ZFAND3: variants seen among roughly 807,000 people sequenced by gnomAD.
The protein encoded by ZFAND3 is zinc finger AN1-type containing 3.
A neutral mutation model predicts 29.6 loss-of-function variants in ZFAND3; 10 were observed. The observed-to-expected ratio is 0.34, with a 90% CI of 0.21 to 0.57. The LOEUF (loss-of-function observed/expected upper bound fraction) is 0.57, where lower values mean the gene tolerates loss of function less well. Among genes scored for constraint, ZFAND3 ranks in the 20% least tolerant of loss-of-function variants. The pLI is 0.86. For synonymous variants in ZFAND3, 128 were observed against 112.6 expected (o/e 1.14, Z -0.87); for missense variants, 230 against 304.5 (o/e 0.76, Z 1.82).
At chr6:38,135,746 A>G (rs1487909181) in intron 5 of ZFAND3, among the ~76,000 whole-genome samples, 1 of 151,386 alleles carries the variant, frequency 6.6e-6, no homozygotes, top group African/African-American at 2.4e-5. Flanking sequence ...CTCCATCTCA[A>G]TTAAAAAAAA....
At chr6:37,964,064 C>CT (rs1199910919) in intron 2 of ZFAND3, among the ~76,000 whole-genome samples, 1 of 152,020 alleles carries the variant, frequency 6.6e-6, no homozygotes, top group East Asian at 1.9e-4. Context: ...CTGTTTCATT[C>CT]TTTTTTCCCC....
intron 2 of ZFAND3, among the ~76,000 whole-genome samples, chr6:38,033,531 G>A (rs1160642331): frequency 6.6e-6 from 1 of 152,128 alleles, no homozygotes; most frequent in East Asian, 1.9e-4. Flanking sequence ...CAGGTAATTA[G>A]AACAGCATGT....
chr6:37,960,778 A>C (rs1198860809), intron 2 of ZFAND3, among the ~76,000 whole-genome samples: 1 of 151,838 alleles, frequency 6.6e-6, no homozygotes, highest in East Asian at 1.9e-4. Flanking sequence ...TCCTTTCCCT[A>C]CCCCTTGGGA....
chr6:37,997,685 A>G (rs1183661992), intron 2 of ZFAND3, among the ~76,000 whole-genome samples: 1 of 152,206 alleles, frequency 6.6e-6, no homozygotes, highest in Non-Finnish European at 1.5e-5. Context: ...TGCTTTCCTC[A>G]TAGAGGGCCA....
chr6:38,140,969 C>A (rs1442034299), intron 5 of ZFAND3, among the ~76,000 whole-genome samples: 2 of 151,998 alleles, frequency 1.3e-5, no homozygotes, highest in African/African-American at 4.8e-5. Context: ...AAGCCAGCTT[C>A]TCTGCCCGCC....
intron 2 of ZFAND3, among the ~76,000 whole-genome samples, chr6:37,945,383 A>G (rs1450071808): frequency 2.6e-5 from 4 of 152,136 alleles, no homozygotes; most frequent in Non-Finnish European, 5.9e-5. Flanking sequence ...GAAATTTTGC[A>G]TTGGAAGATC....
At chr6:38,020,369 A>G (rs1486582063) in intron 2 of ZFAND3, among the ~76,000 whole-genome samples, 1 of 152,222 alleles carries the variant, frequency 6.6e-6, no homozygotes, top group East Asian at 1.9e-4. Flanking sequence ...TTTTTTAAGT[A>G]GAATCACTTG....
At chr6:38,000,050 A>G (rs951995686) in intron 2 of ZFAND3, among the ~76,000 whole-genome samples, 3 of 152,182 alleles carry the variant, frequency 2.0e-5, no homozygotes, top group African/African-American at 7.2e-5. Flanking sequence ...CTTTTTTAAA[A>G]AAGGAAAATA....
At chr6:38,022,384 G>A (rs187823294) in intron 2 of ZFAND3, among the ~76,000 whole-genome samples, 220 of 152,332 alleles carry the variant, frequency 1.4e-3, no homozygotes, top group Non-Finnish European at 2.4e-3. Context: ...TCATAGCAGT[G>A]CCATGTTTTT....
At chr6:37,866,025 C>T (rs902308320) in intron 1 of ZFAND3, among the ~76,000 whole-genome samples, 1 of 152,114 alleles carries the variant, frequency 6.6e-6, no homozygotes, top group Non-Finnish European at 1.5e-5. Context: ...GGAGGTCTCA[C>T]TATATTGTCC....
rs183103225 is a variant in ZFAND3, at chr6:37,961,270, T to C, written c.112+31271T>C. Reference sequence around the variant, plus strand: ...GACACGAGGTGAGGCTCCTCTGCCTTTGGAAAGGGGAGGGAAGAGTAGGAA... The same window carrying C: ...GACACGAGGTGAGGCTCCTCTGCCTCTGGAAAGGGGAGGGAAGAGTAGGAA... On this transcript the variant is annotated intron_variant, in intron 2 of 5. Coordinates refer to ENST00000287218, the MANE Select transcript of ZFAND3 (RefSeq NM_021943.3). Among the ~76,000 whole-genome samples, 3 of 152,070 alleles carry C rather than the reference T, an allele frequency of 2.0e-5. No homozygotes were observed. The East Asian group carries it at 5.8e-4, about 29-fold the overall frequency.
Position 37,949,034 on chromosome 6 carries a change from T to A in ZFAND3, c.112+19035T>A, listed in dbSNP as rs9470733. ...TCAAATTGTAGTTCTTTGAGAAATC[T>A]CCAAACTGCTTTCTTCAGTGGCGGT... On this transcript the variant is annotated intron_variant, in intron 2 of 5. Coordinates refer to ENST00000287218, the MANE Select transcript of ZFAND3 (RefSeq NM_021943.3). Among the ~76,000 whole-genome samples the A allele has an allele frequency of 7.3e-3, 1,114 of 152,302 alleles. 8 individuals are homozygous for A. The highest frequency in any genetic ancestry group is 0.024 in the Middle Eastern group (7 of 292).
chr6:37,975,105 C>G (rs1192486563), intron 2 of ZFAND3, among the ~76,000 whole-genome samples: 1 of 152,210 alleles, frequency 6.6e-6, no homozygotes, highest in Admixed American at 6.5e-5. Context: ...TTCCTACCAG[C>G]AGTGTATGGA....
At chr6:37,983,061 G>C (rs557280900) in intron 2 of ZFAND3, among the ~76,000 whole-genome samples, 1 of 152,120 alleles carries the variant, frequency 6.6e-6, no homozygotes, top group African/African-American at 2.4e-5. Flanking sequence ...TTGTACAGCT[G>C]TACATTGTGT....
At chr6:38,014,330 ATTTTTT>A (rs869081015) in intron 2 of ZFAND3, among the ~76,000 whole-genome samples, 15 of 150,918 alleles carry the variant, frequency 9.9e-5, no homozygotes, top group South Asian at 2.1e-4. Context: ...TATTATTATT[ATTTTTT>A]TTTTTTTGAG....
At chr6:38,090,597 C>T (rs1330087077) in intron 4 of ZFAND3, among the ~76,000 whole-genome samples, 1 of 152,180 alleles carries the variant, frequency 6.6e-6, no homozygotes, top group Admixed American at 6.5e-5. Context: ...CAAAGTTTAT[C>T]ATGGCATGTC....
chr6:37,882,850 A>G (rs780153217), intron 1 of ZFAND3, among the ~76,000 whole-genome samples: 3 of 152,164 alleles, frequency 2.0e-5, no homozygotes, highest in Admixed American at 1.3e-4. Context: ...TTTATCCCAT[A>G]AACATTTTCT....
intron 2 of ZFAND3, among the ~76,000 whole-genome samples, chr6:38,019,795 C>T (rs1241128618): frequency 6.6e-6 from 1 of 152,206 alleles, no homozygotes; most frequent in Non-Finnish European, 1.5e-5. Flanking sequence ...GATCTCGGCT[C>T]ACTGCAACCT....
intron 4 of ZFAND3, among the ~76,000 whole-genome samples, chr6:38,091,957 C>T (rs1490929840): frequency 5.9e-5 from 9 of 152,004 alleles, no homozygotes; most frequent in Admixed American, 2.6e-4. Context: ...GGTTTTACTG[C>T]CTCATCTTGC....
Sources: gnomAD v4.1 joint callset for allele counts (sites outside exome capture counted in the v4.1 genomes callset) on GRCh38, gnomAD v4.1.1 for gene constraint, MANE v1.5 for transcripts, NCBI Gene and HGNC (gene_info 2026-07-23, HGNC 2026-07-21) for gene names.